Variants in AP3S2 observed in about 807,000 individuals in gnomAD.
The protein encoded by AP3S2 is AP-3 complex subunit sigma-2.
Under a neutral mutation model 23.4 loss-of-function variants are expected in AP3S2, and 22 were observed. The observed-to-expected ratio is 0.94, with a 90% CI of 0.67 to 1.34. The LOEUF is 1.34. AP3S2 is among the 40% of genes most tolerant of loss of function. The pLI is 0.00. For missense variants in AP3S2, 241 were observed against 236.9 expected (o/e 1.02, Z -0.11); for synonymous variants, 86 against 87.1 (o/e 0.99, Z 0.07).
At chr15:89,844,269 T>A (rs555129449) in intron 4 of AP3S2, among the ~76,000 whole-genome samples, 1 of 12,104 alleles carries the variant, frequency 8.3e-5, no homozygotes, top group Non-Finnish European at 1.8e-4. Context: ...CTTTCTTTCT[T>A]TCTCTCTCTC....
intron 4 of AP3S2, among the ~76,000 whole-genome samples, chr15:89,861,560 A>G (rs1175279175): frequency 6.6e-6 from 1 of 152,190 alleles, no homozygotes; most frequent in East Asian, 1.9e-4. Context: ...GGAACCAAGT[A>G]CCCTAGGCTC....
chr15:89,861,591 G>A (rs1439272620), intron 4 of AP3S2, among the ~76,000 whole-genome samples: 3 of 152,162 alleles, frequency 2.0e-5, no homozygotes, highest in Admixed American at 1.3e-4. Flanking sequence ...AGCCAGGAGA[G>A]CTGATGGTTA....
intron 4 of AP3S2, among the ~76,000 whole-genome samples, chr15:89,871,021 A>G (rs1029785514): frequency 1.5e-4 from 23 of 152,214 alleles, no homozygotes; most frequent in Non-Finnish European, 1.3e-4. Context: ...CTTGAATTAC[A>G]TTACAGATCT....
chr15:89,835,313 C>A lies in AP3S2; in HGVS notation c.*202G>T. 1 of 829,062 alleles carries A rather than the reference C, an allele frequency of 1.2e-6. No individual in the cohort carries two copies. The highest frequency in any genetic ancestry group is 1.9e-5 in the South Asian group (1 of 51,396). The allele number at this position is 829,062 out of a possible 1,614,324, so 51.4% of individuals were successfully genotyped here. On this transcript the variant is annotated 3_prime_UTR_variant, in exon 6 of 6. Coordinates refer to ENST00000336418, the MANE Select transcript of AP3S2 (RefSeq NM_005829.5). ...TGCATCAGAGAACGGCATGACTGCA[C>A]ATGTGAGAACTGGGTGCACCCGAGC...
chr15:89,843,352 G>A (rs1895379580), intron 4 of AP3S2, among the ~76,000 whole-genome samples: 1 of 151,796 alleles, frequency 6.6e-6, no homozygotes, highest in Admixed American at 6.6e-5. Flanking sequence ...AAAAACTATG[G>A]CAGGGCCAGG....
At chr15:89,859,712 C>T (rs75792819) in intron 4 of AP3S2, among the ~76,000 whole-genome samples, 7 of 147,954 alleles carry the variant, frequency 4.7e-5, no homozygotes, top group African/African-American at 1.7e-4. Context: ...CTTTTTTTTT[C>T]TAAACAAATT....
At chr15:89,878,142 T>C (rs1896486615) in intron 3 of AP3S2, 1 of 513,680 alleles carries the variant, frequency 1.9e-6, no homozygotes. Flanking sequence ...AGATGTTCGT[T>C]AGAAGATCTT....
rs1350482848 is a variant in AP3S2, at chr15:89,832,935, G to A, written c.*2580C>T. ...TTGAGTTTTCCAAATAAAAAAGTGG[G>A]CTTCAGTTTTATGTCATTGTAAGAG... On this transcript the variant is annotated 3_prime_UTR_variant, in exon 6 of 6. Transcript: ENST00000336418. 1 of 152,158 alleles carries A rather than the reference G, an allele frequency of 6.6e-6. No individual in the cohort carries two copies. Among genetic ancestry groups the A allele is most frequent in the Non-Finnish European group, 1.5e-5 (1 of 68,040 alleles). 9.4% of individuals were successfully genotyped at this position (152,158 alleles called of 1,614,324 possible).
At chr15:89,874,131 T>G (rs1347593220) in intron 3 of AP3S2, among the ~76,000 whole-genome samples, 1 of 150,062 alleles carries the variant, frequency 6.7e-6, no homozygotes, top group African/African-American at 2.4e-5. Flanking sequence ...TTTTGGGTTT[T>G]TTTTTTTTTT....
intron 1 of AP3S2, among the ~76,000 whole-genome samples, chr15:89,892,863 A>C (rs7181513): frequency 6.6e-6 from 1 of 151,982 alleles, no homozygotes; most frequent in East Asian, 1.9e-4. Context: ...ACGGGGTTTC[A>C]CCGTGTTAGC....
In AP3S2 at chr15:89,837,200, C is replaced by T. The variant is rs187274996; in HGVS notation, c.453+415G>A. Among the ~76,000 whole-genome samples, 56 of 152,212 alleles carry T rather than the reference C, an allele frequency of 3.7e-4. No individual in the cohort carries two copies. The East Asian group carries it at 7.9e-3, about 21-fold the overall frequency. ...CAACTCTGAGGTCTGAAAGACACCA[C>T]GAGAAATGGCTGCTGGGAGATCAGA... On this transcript the variant is annotated intron_variant, in intron 5 of 5. Transcript: ENST00000336418.
chr15:89,855,805 G>A (rs907068851), intron 4 of AP3S2, among the ~76,000 whole-genome samples: 3 of 144,872 alleles, frequency 2.1e-5, no homozygotes, highest in Non-Finnish European at 4.5e-5. Context: ...AGCTGAGATT[G>A]CACCATTGCA....
intron 4 of AP3S2, chr15:89,837,933 G>A (rs139262407): frequency 1.2e-5 from 6 of 506,288 alleles, no homozygotes; most frequent in African/African-American, 7.8e-5. Flanking sequence ...CCTCAGCAGC[G>A]AGGTGGTAGC....
intron 3 of AP3S2, 69 bp downstream of exon 3, chr15:89,888,452 A>G: frequency 1.4e-6 from 2 of 1,471,704 alleles, no homozygotes; most frequent in Non-Finnish European, 1.9e-6. Context: ...AAGGTTCTAC[A>G]GGCTGGTTAC....
intron 4 of AP3S2, among the ~76,000 whole-genome samples, chr15:89,868,251 T>G (rs1284605635): frequency 4.9e-4 from 16 of 32,646 alleles, no homozygotes; most frequent in South Asian, 1.6e-3. Flanking sequence ...CCGCCCCGTC[T>G]GGGAGGTGAG....
intron 4 of AP3S2, among the ~76,000 whole-genome samples, chr15:89,842,083 C>G (rs950710668): frequency 6.6e-6 from 1 of 151,372 alleles, no homozygotes; most frequent in Non-Finnish European, 1.5e-5. Context: ...TGCATACTGG[C>G]AGAACTGAGG....
intron 4 of AP3S2, among the ~76,000 whole-genome samples, chr15:89,869,193 G>C (rs1404202220): frequency 6.6e-6 from 1 of 150,558 alleles, no homozygotes; most frequent in Non-Finnish European, 1.5e-5. Flanking sequence ...GAAAGAAGTA[G>C]ACATGGGAGA....
chr15:89,858,471 GAAAGAAAGAAAGAAAGAAAGAA>G (rs1194220567), intron 4 of AP3S2, among the ~76,000 whole-genome samples: 346 of 27,210 alleles, frequency 0.013, 4 homozygotes, highest in African/African-American at 0.049. Flanking sequence ...AAGAAAGAAA[GAAAGAAAGAAAGAAAGAAAGAA>G]AGAGAGAGAG....
At chr15:89,893,814 A>C in intron 1 of AP3S2, 67 bp downstream of exon 1, 1 of 1,503,320 alleles carries the variant, frequency 6.7e-7, no homozygotes, top group East Asian at 2.5e-5. Context: ...GGGCGCCGAG[A>C]GGCCAAAGAG....
Sources: allele counts gnomAD v4.1 joint callset (sites outside exome capture counted in the v4.1 genomes callset), GRCh38; gene constraint gnomAD v4.1.1; transcripts MANE v1.5; gene names NCBI Gene and HGNC (gene_info 2026-07-23, HGNC 2026-07-21).